CSE1L: variants seen among roughly 807,000 people sequenced by gnomAD.
CSE1L encodes chromosome segregation 1 like.
Under a neutral mutation model 120.4 loss-of-function variants are expected in CSE1L, and 24 were observed. The observed-to-expected ratio is 0.20, with a 90% CI of 0.14 to 0.28. The LOEUF is 0.28. CSE1L is among the 10% of genes least tolerant of loss of function. The probability of loss-of-function intolerance (pLI) is 1.00; values close to 1 mark genes in which losing one functional copy is unlikely to be tolerated. For synonymous variants in CSE1L, 402 were observed against 398.3 expected (o/e 1.01, Z -0.11); for missense variants, 830 against 1,145.2 (o/e 0.72, Z 3.97).
chr20:49,086,430 A>G (rs942310130), intron 16 of CSE1L, among the ~76,000 whole-genome samples: 10 of 137,710 alleles, frequency 7.3e-5, no homozygotes, highest in African/African-American at 2.6e-4. Flanking sequence ...CAATGGCACA[A>G]TCTCAGCTCA....
At chr20:49,082,782 A>C (rs1342964267) in intron 14 of CSE1L, among the ~76,000 whole-genome samples, 1 of 152,024 alleles carries the variant, frequency 6.6e-6, no homozygotes. Context: ...TGGCCTCCCA[A>C]AGTGCTGGGA....
rs747777245 is a variant in CSE1L, at chr20:49,067,177, C to G, written c.477-13C>G. The stretch of plus-strand genomic sequence containing the variant: ...AAACTTGTAAATTTATCTGTTTTAC[C>G]TTAATTTTCTAGATACCGTCATGAA... On this transcript the variant is annotated splice_polypyrimidine_tract_variant and intron_variant, in intron 5 of 24. Coordinates refer to ENST00000262982, the MANE Select transcript of CSE1L (RefSeq NM_001316.4). 1 of 1,556,840 alleles carries G rather than the reference C, an allele frequency of 6.4e-7. No individual in the cohort carries two copies. Among genetic ancestry groups the G allele is most frequent in the Admixed American group, 1.7e-5 (1 of 57,754 alleles).
chr20:49,067,402 T>A, intron 6 of CSE1L, 122 bp downstream of exon 6: 1 of 628,782 alleles, frequency 1.6e-6, no homozygotes, highest in Non-Finnish European at 2.6e-6. Context: ...GCATTTCTTT[T>A]GAAAAATTTC....
chr20:49,095,678 A>G (rs1474373099), intron 24 of CSE1L, among the ~76,000 whole-genome samples: 3 of 152,072 alleles, frequency 2.0e-5, no homozygotes, highest in African/African-American at 7.3e-5. Flanking sequence ...TAATGACTGT[A>G]TAGTTGCATT....
intron 1 of CSE1L, among the ~76,000 whole-genome samples, chr20:49,057,434 T>G: frequency 6.6e-6 from 1 of 151,374 alleles, no homozygotes. Flanking sequence ...GTTTAAAATT[T>G]TAATTTCTCG....
Position 49,070,277 on chromosome 20 carries a change from A to G in CSE1L, c.748A>G (p.Asn250Asp). The change falls in exon 8 of 25, where the codon AAT (asparagine) becomes GAT (aspartate). Residue 250 changes from asparagine (N) to aspartate (D), a missense_variant. By Grantham distance (23) the Asn-to-Asp change is conservative. Around this residue, in one of 4 missense-constraint regions of CSE1L, gnomAD observed 543 missense variants for 640.2 expected, o/e 0.85. Transcript: ENST00000262982. ...TTTTCATACTCTCTTAACATTGGAT[A>G]ATAAGCTTTTACAAACTGATGTAAG... ...NNFHTLLTLDNKLLQTDDEEE... is the reference protein window; with the variant it reads ...NNFHTLLTLDDKLLQTDDEEE... 1.4e-6 allele frequency: 2 copies of G among 1,422,850 alleles called. No homozygotes were observed. The highest frequency in any genetic ancestry group is 1.9e-6 in the Non-Finnish European group (2 of 1,028,972). 88.1% of individuals were successfully genotyped at this position (1,422,850 alleles called of 1,614,324 possible). A position where few individuals can be genotyped will look rare whatever the true frequency, so the allele number is the denominator to read the frequency against.
Position 49,072,637 on chromosome 20 carries a change from G to T in CSE1L, c.1006G>T (p.Asp336Tyr). The T allele has an allele frequency of 1.2e-6, 2 of 1,613,866 alleles. No homozygotes were observed. Among genetic ancestry groups the T allele is most frequent in the Non-Finnish European group, 1.7e-6 (2 of 1,179,954 alleles). ...ERPHYKNLFE[D>Y]QNTLTSICEK... The stretch of plus-strand genomic sequence containing the variant: ...ACCTCATTATAAGAATCTATTTGAG[G>T]ACCAGAACACGCTGACAAGTATCTG... Residue 336 changes from aspartate (D) to tyrosine (Y), a missense_variant, in exon 10 of 25, where the codon GAC (aspartate) becomes TAC (tyrosine). By Grantham distance (160) the Asp-to-Tyr change is radical. Around this residue, in one of 4 missense-constraint regions of CSE1L, gnomAD observed 543 missense variants for 640.2 expected, o/e 0.85. Coordinates refer to ENST00000262982, the MANE Select transcript of CSE1L (RefSeq NM_001316.4).
intron 3 of CSE1L, 85 bp from the exon 4 acceptor site, chr20:49,066,106 TA>T: frequency 4.4e-6 from 5 of 1,147,270 alleles, no homozygotes; most frequent in Non-Finnish European, 6.3e-6. Context: ...AATTAGTAAA[TA>T]AAAAAACAGT....
At chr20:49,056,718 G>T (rs1330452593) in intron 1 of CSE1L, among the ~76,000 whole-genome samples, 1 of 151,476 alleles carries the variant, frequency 6.6e-6, no homozygotes, top group Admixed American at 6.6e-5. Flanking sequence ...TTTTAATTGA[G>T]TGGGTTCAGA....
chr20:49,092,828 AC>A (rs2092112428), intron 22 of CSE1L, among the ~76,000 whole-genome samples: 1 of 152,102 alleles, frequency 6.6e-6, no homozygotes, highest in East Asian at 1.9e-4. Flanking sequence ...AAAAAAAAAA[AC>A]CAGAATTTTC....
chr20:49,093,912 C>T (rs1350603804), intron 22 of CSE1L, among the ~76,000 whole-genome samples: 3 of 150,296 alleles, frequency 2.0e-5, no homozygotes, highest in Non-Finnish European at 3.0e-5. Flanking sequence ...AGCGAAACTC[C>T]GTCTCAAAAA....
intron 8 of CSE1L, among the ~76,000 whole-genome samples, chr20:49,071,967 C>CAA (rs569520524): frequency 0.023 from 2,530 of 108,724 alleles, 59 homozygotes; most frequent in South Asian, 0.043. Context: ...GACTGCGTCT[C>CAA]AAAAAAAAAA....
intron 16 of CSE1L, among the ~76,000 whole-genome samples, chr20:49,087,350 T>A (rs2092067432): frequency 8.6e-6 from 1 of 116,762 alleles, no homozygotes; most frequent in Non-Finnish European, 1.8e-5. Context: ...TTTTTCTTTT[T>A]CTTTTTTTTT....
intron 21 of CSE1L, among the ~76,000 whole-genome samples, chr20:49,091,493 G>C (rs2145755083): frequency 6.6e-6 from 1 of 152,042 alleles, no homozygotes; most frequent in Non-Finnish European, 1.5e-5. Context: ...CAGCACTTTG[G>C]GAGGTGAAAG....
At chr20:49,068,002 A>G (rs2091906750) in intron 6 of CSE1L, among the ~76,000 whole-genome samples, 1 of 140,016 alleles carries the variant, frequency 7.1e-6, no homozygotes, top group Non-Finnish European at 1.5e-5. Flanking sequence ...TCCCGGGTTC[A>G]AGCAATTCTC....
At chr20:49,089,946 ATC>A (rs2092088248) in intron 19 of CSE1L, among the ~76,000 whole-genome samples, 200 bp downstream of exon 19, 2 of 152,062 alleles carry the variant, frequency 1.3e-5, no homozygotes, top group South Asian at 4.2e-4. Flanking sequence ...GGTGAGATCT[ATC>A]TCTACAAAGG....
intron 21 of CSE1L, among the ~76,000 whole-genome samples, 189 bp from the exon 22 acceptor site, chr20:49,091,857 T>C (rs191075111): frequency 6.6e-4 from 101 of 152,290 alleles, no homozygotes; most frequent in African/African-American, 2.4e-3. Context: ...TAAGGAAATA[T>C]AAATCAAAGA....
intron 24 of CSE1L, among the ~76,000 whole-genome samples, chr20:49,095,978 C>T (rs1330681818): frequency 2.6e-5 from 4 of 152,080 alleles, no homozygotes; most frequent in Admixed American, 6.6e-5. Context: ...TGCATGTGCC[C>T]AGCTTCAATA....
At chr20:49,091,606 C>T (rs567527592) in intron 21 of CSE1L, among the ~76,000 whole-genome samples, 3 of 151,908 alleles carry the variant, frequency 2.0e-5, no homozygotes, top group Non-Finnish European at 4.4e-5. Context: ...GCCTGTAGCC[C>T]CAGCTACTCA....
Sources: allele counts gnomAD v4.1 joint callset (sites outside exome capture counted in the v4.1 genomes callset), GRCh38; gene constraint gnomAD v4.1.1; regional missense constraint gnomAD v4.1.1; transcripts MANE v1.5; gene names NCBI Gene and HGNC (gene_info 2026-07-23, HGNC 2026-07-21).